Variants in PLEKHN1 observed in about 807,000 individuals in gnomAD.
PLEKHN1 encodes the protein pleckstrin homology domain-containing family N member 1.
A neutral mutation model predicts 72.8 loss-of-function variants in PLEKHN1; 68 were observed. That is an observed-to-expected ratio of 0.93 (90% CI 0.77 to 1.14). PLEKHN1 has a LOEUF of 1.14. PLEKHN1 is among the 50% of genes most tolerant of loss of function. PLEKHN1 has a pLI of 0.00. For synonymous variants in PLEKHN1, 454 were observed against 371.6 expected (o/e 1.22, Z -2.55); for missense variants, 1,015 against 840.5 (o/e 1.21, Z -2.57).
At position 970,578 on chromosome 1, in the gene PLEKHN1, G is replaced by A. The variant is rs201445899; in HGVS notation, c.388G>A (p.Gly130Ser). ...CGCCCACCTGTACTTCCAGGCCCAC[G>A]GCTCGGAAGGACTCACATTTCAGGT... ...FPAHLYFQAHGSEGLTFQGLL... is the reference protein window; with the variant it reads ...FPAHLYFQAHSSEGLTFQGLL... Residue 130 changes from glycine to serine, a missense_variant, in exon 4 of 16, where the codon GGC becomes AGC. Physicochemically the swap from Gly to Ser is moderately conservative, Grantham distance 56. Transcript: ENST00000379410. This position sits in a 1 kb window ranked among gnomAD's most constrained non-coding sequence, Gnocchi z 4.2. The A allele has an allele frequency of 1.1e-5, 17 of 1,612,730 alleles. No individual in the cohort carries two copies. The highest frequency in any genetic ancestry group is 4.0e-5 in the African/African-American group (3 of 74,874).
At chr1:972,029 C>T (rs375659879) in intron 8 of PLEKHN1, 46 bp from the exon 9 acceptor site, 28 of 1,580,600 alleles carry the variant, frequency 1.8e-5, no homozygotes, top group Middle Eastern at 1.7e-4. Context: ...GGCGGGGCCC[C>T]GGGGCTGCCC....
chr1:971,492 C>T lies in PLEKHN1; in HGVS notation c.789+88C>T, dbSNP rs191942401. 4,867 of 1,277,652 alleles carry T rather than the reference C, an allele frequency of 3.8e-3. 13 individuals carry two copies. Among genetic ancestry groups the T allele is most frequent in the Admixed American group, 5.5e-3 (277 of 50,576 alleles). The allele number at this position is 1,277,652 out of a possible 1,614,324, so 79.1% of individuals were successfully genotyped here. On this transcript the variant is annotated intron_variant, in intron 8 of 15. Transcript: ENST00000379410. ...AGCCATGCAGGAGGAACCTGTATTT[C>T]GGGGCTTGTTGAGACAGAGCGCAGG... is the stretch of plus-strand genomic sequence containing the variant.
In PLEKHN1 at chr1:966,823, T is replaced by G; in HGVS notation, c.183+20T>G. Reference sequence around the variant, plus strand: ...GGCACGGTGAGCGCGGCGTGCACGGTGGCTGTGGTCTGGGAGCGTGGCTCT... The same window carrying G: ...GGCACGGTGAGCGCGGCGTGCACGGGGGCTGTGGTCTGGGAGCGTGGCTCT... On this transcript the variant is annotated intron_variant, in intron 2 of 15. Transcript: ENST00000379410. 1 of 1,543,560 alleles carries G rather than the reference T, an allele frequency of 6.5e-7. No homozygotes were observed. Among genetic ancestry groups the G allele is most frequent in the Non-Finnish European group, 8.7e-7 (1 of 1,145,784 alleles).
At chr1:973,069 G>A in intron 11 of PLEKHN1, 59 bp downstream of exon 11, 1 of 1,547,200 alleles carries the variant, frequency 6.5e-7, no homozygotes. Context: ...GTAGGTGTGT[G>A]TTGGGGACCC....
chr1:973,490 T>C lies in PLEKHN1; in HGVS notation c.1294-10T>C, dbSNP rs543211765. ...CCGAGAAGCCCATTTCTCCCACCTC[T>C]GCCCTGCAGCTGCACAGGCTGAGCC... On this transcript the variant is annotated splice_polypyrimidine_tract_variant and intron_variant, in intron 12 of 15. Coordinates refer to ENST00000379410, the MANE Select transcript of PLEKHN1 (RefSeq NM_032129.3). 4.3e-5 allele frequency: 69 copies of C among 1,612,214 alleles called. No homozygotes were observed. The South Asian group carries it at 7.4e-4, about 17-fold the overall frequency.
intron 8 of PLEKHN1, 93 bp from the exon 9 acceptor site, chr1:971,982 G>A (rs1643354726): frequency 1.6e-6 from 2 of 1,269,028 alleles, no homozygotes; most frequent in South Asian, 2.7e-5. Flanking sequence ...CAAGTACCCA[G>A]CCAAGCTCTG....
At position 971,169 on chromosome 1, in the gene PLEKHN1, C is replaced by G; in HGVS notation, c.669C>G (p.Val223=). The change falls in exon 7 of 16, where the codon GTC becomes GTG. Residue 223 remains valine, a synonymous_variant. Coordinates refer to ENST00000379410, the MANE Select transcript of PLEKHN1 (RefSeq NM_032129.3). ...GGCACGAACCCGGCGGCAGTGCTGT[C>G]TGTGCCTCGAGGGTCAAGCTGCAGC... The part of the protein sequence containing the change: ...ASGHEPGGSA[V]CASRVKLQHL... 3.8e-6 allele frequency: 6 copies of G among 1,597,538 alleles called. No homozygotes were observed. The highest frequency in any genetic ancestry group is 5.1e-6 in the Non-Finnish European group (6 of 1,173,002).
At position 974,430 on chromosome 1, in the gene PLEKHN1, C is replaced by T. The variant is rs757267935; in HGVS notation, c.1703-12C>T. 35 of 1,612,820 alleles carry T rather than the reference C, an allele frequency of 2.2e-5. No homozygotes were observed. The highest frequency in any genetic ancestry group is 1.6e-4 in the Middle Eastern group (1 of 6,082). ...CTCCCACAGGCTGACACATCTCTGC[C>T]TTCCCTACCAGATGGTCGGTCCCCC... On this transcript the variant is annotated splice_polypyrimidine_tract_variant and intron_variant, in intron 15 of 15. Coordinates refer to ENST00000379410, the MANE Select transcript of PLEKHN1 (RefSeq NM_032129.3).
intron 11 of PLEKHN1, 30 bp downstream of exon 11, chr1:973,040 T>C: frequency 1.3e-6 from 2 of 1,583,290 alleles, no homozygotes; most frequent in South Asian, 2.3e-5. Context: ...CAGACGAAAG[T>C]GGGGCAGAAG....
chr1:974,693 T>TGGGGCCCTGAGTTC lies in PLEKHN1; in HGVS notation c.*119_*132dup. The stretch of plus-strand genomic sequence containing the variant: ...AACCCAGTGTGATGGGGGGAGTCTC[T>TGGGGCCCTGAGTTC]GGGGCCCTGAGTTCAGAGCCCGTCC... On this transcript the variant is annotated 3_prime_UTR_variant, in exon 16 of 16. Coordinates refer to ENST00000379410, the MANE Select transcript of PLEKHN1 (RefSeq NM_032129.3). The TGGGGCCCTGAGTTC allele has an allele frequency of 7.9e-7, 1 of 1,258,464 alleles. No homozygotes were observed. Among genetic ancestry groups the TGGGGCCCTGAGTTC allele is most frequent in the East Asian group, 3.0e-5 (1 of 33,380 alleles). The allele number at this position is 1,258,464 out of a possible 1,614,324, so 78.0% of individuals were successfully genotyped here.
chr1:974,069 C>T lies in PLEKHN1; in HGVS notation c.1653+18C>T, dbSNP rs368151826. On this transcript the variant is annotated intron_variant, in intron 14 of 15. Transcript: ENST00000379410. ...CTCAGCTTGTGAGTAGCAGCCCCCACGCCCGTGTGCCCCGGGCTCCGGGCT... is the reference window on the plus strand; with the variant it reads ...CTCAGCTTGTGAGTAGCAGCCCCCATGCCCGTGTGCCCCGGGCTCCGGGCT... The T allele has an allele frequency of 3.5e-5, 54 of 1,559,382 alleles. No individual in the cohort carries two copies. Among genetic ancestry groups the T allele is most frequent in the South Asian group, 1.5e-4 (13 of 86,672 alleles).
intron 12 of PLEKHN1, 45 bp from the exon 13 acceptor site, chr1:973,455 C>T (rs763432861): frequency 1.8e-5 from 29 of 1,602,972 alleles, no homozygotes; most frequent in South Asian, 2.2e-5. Flanking sequence ...GTGGCCTAGG[C>T]TGTTTCTAGC....
At position 973,196 on chromosome 1, in the gene PLEKHN1, A is replaced by G; in HGVS notation, c.1163A>G (p.Asn388Ser). The G allele has an allele frequency of 3.3e-6, 5 of 1,529,902 alleles. No individual in the cohort carries two copies. The highest frequency in any genetic ancestry group is 4.4e-6 in the Non-Finnish European group (5 of 1,131,990). 94.8% of individuals were successfully genotyped at this position (1,529,902 alleles called of 1,614,324 possible). A position where few individuals can be genotyped will look rare whatever the true frequency, so the allele number is the denominator to read the frequency against. The change falls in exon 12 of 16, where the codon AAC becomes AGC. Residue 388 changes from asparagine to serine, a missense_variant. Transcript: ENST00000379410. ...TTGTGGTCCCCACAGGACCAGGCCA[A>G]CTCTGACCGTGCCAGCATTGGCCGA... ...CSSQHTPDQANSDRASIGRRR... is the reference protein window; with the variant it reads ...CSSQHTPDQASSDRASIGRRR...
Position 973,624 on chromosome 1 carries a change from T to C in PLEKHN1, c.1418T>C (p.Val473Ala). Residue 473 changes from valine (V) to alanine (A), a missense_variant, in exon 13 of 16, where the codon GTC (valine) becomes GCC (alanine). Coordinates refer to ENST00000379410, the MANE Select transcript of PLEKHN1 (RefSeq NM_032129.3). ...PATSHRRVTD[V>A]RGLEEFLSAM... ...ACCTCCCACCGCAGGGTCACAGATG[T>C]CCGGGGCCTGGAGGAGGTCAGGCCC... 1 of 1,612,872 alleles carries C rather than the reference T, an allele frequency of 6.2e-7. No homozygotes were observed. Among genetic ancestry groups the C allele is most frequent in the African/African-American group, 1.3e-5 (1 of 75,016 alleles).
Position 970,344 on chromosome 1 carries a change from G to A in PLEKHN1, c.251G>A (p.Gly84Glu). The A allele has an allele frequency of 6.2e-7, 1 of 1,613,594 alleles. No individual in the cohort carries two copies. Among genetic ancestry groups the A allele is most frequent in the Non-Finnish European group, 8.5e-7 (1 of 1,179,942 alleles). Residue 84 changes from glycine to glutamate, a missense_variant, in exon 3 of 16, where the codon GGG (glycine) becomes GAG (glutamate). By Grantham distance (98) the Gly-to-Glu change is moderately conservative. Coordinates refer to ENST00000379410, the MANE Select transcript of PLEKHN1 (RefSeq NM_032129.3). This position sits in a 1 kb window ranked among gnomAD's most constrained non-coding sequence, Gnocchi z 4.2. ...EQPFLSVFKK[G>E]RRRVPVRNLG... is the part of the protein sequence containing the mutation. ...CCATTCCTGAGTGTGTTCAAGAAGGGGCGGCGGAGGGTGCCTGTGAGGAAC... is the reference window on the plus strand; with the variant it reads ...CCATTCCTGAGTGTGTTCAAGAAGGAGCGGCGGAGGGTGCCTGTGAGGAAC...
chr1:967,055 T>A (rs1385169851), intron 2 of PLEKHN1, among the ~76,000 whole-genome samples: 1 of 152,150 alleles, frequency 6.6e-6, no homozygotes, highest in Non-Finnish European at 1.5e-5. Flanking sequence ...GGGCGGGGCC[T>A]CCCGGGACCT....
chr1:971,928 C>T (rs1643351829), intron 8 of PLEKHN1, 147 bp from the exon 9 acceptor site: 7 of 733,750 alleles, frequency 9.5e-6, no homozygotes, highest in Admixed American at 2.8e-5. Flanking sequence ...AGACATGGGA[C>T]CCACTGGCCT....
In PLEKHN1 at chr1:970,779, G is replaced by A. The variant is rs1557646955; in HGVS notation, c.484+21G>A. The A allele has an allele frequency of 1.2e-6, 2 of 1,612,696 alleles. No homozygotes were observed. Among genetic ancestry groups the A allele is most frequent in the Non-Finnish European group, 1.7e-6 (2 of 1,179,866 alleles). On this transcript the variant is annotated intron_variant, in intron 5 of 15. Transcript: ENST00000379410. The surrounding 1 kb of genome is among the most constrained non-coding windows in gnomAD (Gnocchi z 4.2). ...CACAGGTGTTTGGGATGCTTCCCGG[G>A]CCCCCAGAGGCACTCCTGACCCAGG... is the stretch of plus-strand genomic sequence containing the variant.
At chr1:969,181 C>A (rs1201628084) in intron 2 of PLEKHN1, among the ~76,000 whole-genome samples, 4 of 152,242 alleles carry the variant, frequency 2.6e-5, no homozygotes, top group Admixed American at 1.3e-4. Flanking sequence ...CCCCCAAATT[C>A]TTCTAACAAG....
Sources: allele counts gnomAD v4.1 joint callset (sites outside exome capture counted in the v4.1 genomes callset), GRCh38; gene constraint gnomAD v4.1.1; non-coding constraint Gnocchi (gnomAD v3.1); transcripts MANE v1.5; gene names NCBI Gene and HGNC (gene_info 2026-07-23, HGNC 2026-07-21).